The following GRIK2 variants were observed in gnomAD, a reference collection of about 807,000 sequenced individuals.
GRIK2 encodes glutamate ionotropic receptor kainate type subunit 2.
In GRIK2, 32 loss-of-function variants were observed where a neutral mutation model predicts 100.3. The ratio of observed to expected loss-of-function variants is 0.32; its 90% CI spans 0.24 to 0.43. The LOEUF (loss-of-function observed/expected upper bound fraction) is 0.43. Ranked by LOEUF, GRIK2 falls within the 20% of genes least tolerant of loss-of-function variation. The probability of loss-of-function intolerance (pLI) is 1.00; values close to 1 mark genes in which losing one functional copy is unlikely to be tolerated. For missense variants in GRIK2, 843 were observed against 1,114.9 expected, an observed-to-expected ratio of 0.76 and a Z score of 3.47; for synonymous variants, 417 against 389.4, an observed-to-expected ratio of 1.07 and a Z score of -0.83.
chr6:101,760,349 ATTAATTATAT>A (rs1328393717), intron 7 of GRIK2, among the ~76,000 whole-genome samples: 1 of 84,990 alleles, frequency 1.2e-5, no homozygotes, highest in Non-Finnish European at 2.0e-5. Flanking sequence ...ATTATATATA[ATTAATTATAT>A]TTAATTATAT....
At chr6:101,725,805 C>T (rs1268556043) in intron 7 of GRIK2, among the ~76,000 whole-genome samples, 1 of 151,942 alleles carries the variant, frequency 6.6e-6, no homozygotes, top group Non-Finnish European at 1.5e-5. Context: ...CTGTCGTTAA[C>T]TCTGATGTTT....
chr6:101,691,772 T>C (rs949370860), intron 7 of GRIK2, among the ~76,000 whole-genome samples: 5 of 152,130 alleles, frequency 3.3e-5, no homozygotes, highest in African/African-American at 1.2e-4. Context: ...CCCCAGACTT[T>C]ATAATTTCCT....
At chr6:101,949,532 C>T (rs1791483653) in intron 14 of GRIK2, among the ~76,000 whole-genome samples, 1 of 152,142 alleles carries the variant, frequency 6.6e-6, no homozygotes, top group African/African-American at 2.4e-5. Flanking sequence ...CAACCGGCCC[C>T]AGTGTGTGAT....
chr6:101,861,959 T>G (rs923047590), intron 11 of GRIK2, among the ~76,000 whole-genome samples: 1 of 152,140 alleles, frequency 6.6e-6, no homozygotes, highest in Non-Finnish European at 1.5e-5. Flanking sequence ...AATGGGGGCT[T>G]GGATCCTGGT....
intron 2 of GRIK2, among the ~76,000 whole-genome samples, chr6:101,608,476 AT>A (rs1415702275): frequency 6.6e-6 from 1 of 151,900 alleles, no homozygotes; most frequent in Non-Finnish European, 1.5e-5. Context: ...TTCAATAGCT[AT>A]GTAATTTGCC....
chr6:101,620,204 A>G, intron 2 of GRIK2: 1 of 882,662 alleles, frequency 1.1e-6, no homozygotes, highest in Non-Finnish European at 1.4e-6. Flanking sequence ...TGTTATATAT[A>G]AGGGTAGAGA....
At chr6:101,394,200 T>C (rs911851640) in intron 1 of GRIK2, among the ~76,000 whole-genome samples, 9 of 152,174 alleles carry the variant, frequency 5.9e-5, no homozygotes, top group Non-Finnish European at 1.0e-4. Flanking sequence ...GCTGTGTGGC[T>C]GCCGGCGGGT....
intron 9 of GRIK2, among the ~76,000 whole-genome samples, chr6:101,814,495 A>G (rs1192255910): frequency 5.3e-5 from 8 of 152,118 alleles, no homozygotes; most frequent in Non-Finnish European, 1.2e-4. Flanking sequence ...AGACTTGACA[A>G]TTATAAACCT....
chr6:101,566,389 A>G (rs1777278439), intron 2 of GRIK2, among the ~76,000 whole-genome samples: 1 of 152,138 alleles, frequency 6.6e-6, no homozygotes, highest in Non-Finnish European at 1.5e-5. Flanking sequence ...ATATCACTAC[A>G]GCTACTTACT....
intron 12 of GRIK2, among the ~76,000 whole-genome samples, chr6:101,906,261 C>T (rs1413363770): frequency 6.6e-6 from 1 of 151,442 alleles, no homozygotes; most frequent in Non-Finnish European, 1.5e-5. Flanking sequence ...AGACAATTAG[C>T]AATTTCTCTT....
chr6:102,026,568 G>A (rs961471678), intron 14 of GRIK2, among the ~76,000 whole-genome samples: 2 of 151,102 alleles, frequency 1.3e-5, no homozygotes, highest in Non-Finnish European at 3.0e-5. Context: ...GAGATACTTG[G>A]AATGGTACAC....
At chr6:101,733,787 T>G (rs1401652521) in intron 7 of GRIK2, among the ~76,000 whole-genome samples, 1 of 150,448 alleles carries the variant, frequency 6.6e-6, no homozygotes, top group Non-Finnish European at 1.5e-5. Flanking sequence ...TTCAATACTT[T>G]GCTTAGAAAT....
At chr6:102,016,041 C>T (rs899189595) in intron 14 of GRIK2, among the ~76,000 whole-genome samples, 3 of 152,012 alleles carry the variant, frequency 2.0e-5, no homozygotes, top group Non-Finnish European at 4.4e-5. Flanking sequence ...AACATCAGCC[C>T]ACAAAGATGA....
chr6:101,997,751 A>AT (rs200720679), intron 14 of GRIK2, among the ~76,000 whole-genome samples: 2,801 of 151,674 alleles, frequency 0.018, 46 homozygotes, highest in South Asian at 0.043. Flanking sequence ...CATTCTATTG[A>AT]TTTTTTTTCT....
chr6:101,459,790 T>C (rs1771202696), intron 2 of GRIK2, among the ~76,000 whole-genome samples: 1 of 152,058 alleles, frequency 6.6e-6, no homozygotes, highest in African/African-American at 2.4e-5. Context: ...CTTTTTTTTT[T>C]TTTAGACAGA....
intron 2 of GRIK2, among the ~76,000 whole-genome samples, chr6:101,427,423 T>TGG (rs1769095657): frequency 6.6e-6 from 1 of 152,222 alleles, no homozygotes; most frequent in African/African-American, 2.4e-5. Flanking sequence ...CACGAATATA[T>TGG]TTAGTTACAT....
chr6:101,927,708 T>C (rs769739530), intron 13 of GRIK2: 1 of 152,080 alleles, frequency 6.6e-6, no homozygotes, highest in Non-Finnish European at 1.5e-5. Context: ...CATTCTGATA[T>C]AGTTATAAAA....
intron 2 of GRIK2, among the ~76,000 whole-genome samples, chr6:101,564,660 A>G (rs1424460739): frequency 1.3e-5 from 2 of 152,136 alleles, no homozygotes; most frequent in Non-Finnish European, 2.9e-5. Context: ...TCCTTGCGCT[A>G]TATAAACCCC....
At chr6:101,770,001 C>G (rs922427901) in intron 7 of GRIK2, among the ~76,000 whole-genome samples, 27 of 152,050 alleles carry the variant, frequency 1.8e-4, no homozygotes, top group Admixed American at 8.5e-4. Context: ...GTTCTGATGG[C>G]CTTTGTGCAA....
Sources: gnomAD v4.1 joint callset for allele counts (sites outside exome capture counted in the v4.1 genomes callset) on GRCh38, gnomAD v4.1.1 for gene constraint, MANE v1.5 for transcripts, NCBI Gene and HGNC (gene_info 2026-07-23, HGNC 2026-07-21) for gene names.